The following IREB2 variants were observed in gnomAD, a reference collection of about 807,000 sequenced individuals.
IREB2 encodes iron-responsive element-binding protein 2.
In IREB2, 39 loss-of-function variants were observed where a neutral mutation model predicts 118.8. The ratio of observed to expected loss-of-function variants is 0.33; its 90% CI spans 0.25 to 0.43. The LOEUF is 0.43. Ranked by LOEUF, IREB2 falls within the 20% of genes least tolerant of loss-of-function variation. IREB2 has a pLI of 1.00. For missense variants in IREB2, 900 were observed against 1,147.3 expected, an observed-to-expected ratio of 0.78 and a Z score of 3.11; for synonymous variants, 372 against 392.2, an observed-to-expected ratio of 0.95 and a Z score of 0.61.
At chr15:78,451,651 C>T (rs987944418) in intron 2 of IREB2, among the ~76,000 whole-genome samples, 1 of 152,074 alleles carries the variant, frequency 6.6e-6, no homozygotes, top group Non-Finnish European at 1.5e-5. Flanking sequence ...TGAGCACTGA[C>T]GCTCAAAGGA....
At chr15:78,461,933 G>GT (rs1262534507) in intron 2 of IREB2, among the ~76,000 whole-genome samples, 2 of 152,134 alleles carry the variant, frequency 1.3e-5, no homozygotes, top group Non-Finnish European at 2.9e-5. Context: ...CAATAAGGAA[G>GT]TACAGTGGAA....
At position 78,470,571 on chromosome 15, in the gene IREB2, C is replaced by T; in HGVS notation, c.669C>T (p.Gly223=). 6.3e-7 allele frequency: 1 copy of T among 1,592,666 alleles called. No homozygotes were observed. Among genetic ancestry groups the T allele is most frequent in the Non-Finnish European group, 8.6e-7 (1 of 1,166,062 alleles). Residue 223 remains glycine, a synonymous_variant, in exon 6 of 22, where the codon GGC becomes GGT. Transcript: ENST00000258886. ...TAAAAAATCAAGAAGTAGAATTCGG[C>T]AGAAATCGAGAGAGGCTTCAGTTTT... ...TVLKNQEVEF[G]RNRERLQFFK...
At chr15:78,447,872 T>C (rs995989902) in intron 2 of IREB2, among the ~76,000 whole-genome samples, 2 of 152,220 alleles carry the variant, frequency 1.3e-5, no homozygotes, top group Admixed American at 1.3e-4. Context: ...ACATGACATT[T>C]GTGCTTGGCG....
chr15:78,494,030 A>T lies in IREB2; in HGVS notation c.2446A>T (p.Thr816Ser). The T allele has an allele frequency of 6.2e-7, 1 of 1,614,134 alleles. No homozygotes were observed. Among genetic ancestry groups the T allele is most frequent in the Non-Finnish European group, 8.5e-7 (1 of 1,180,006 alleles). The part of the protein sequence containing the change: ...NKFIGKPAPK[T>S]IHFPSGQTLD... ...GTTTATTGGAAAACCAGCTCCTAAA[A>T]CAATTCATTTTCCATCAGGACAGAC... Residue 816 changes from threonine (T) to serine (S), a missense_variant, in exon 19 of 22, where the codon ACA (threonine) becomes TCA (serine). Coordinates refer to ENST00000258886, the MANE Select transcript of IREB2 (RefSeq NM_004136.4).
intron 8 of IREB2, chr15:78,474,974 G>A (rs1277136905): frequency 2.0e-5 from 3 of 146,488 alleles, no homozygotes; most frequent in African/African-American, 7.6e-5. Context: ...AGAATGGCGT[G>A]AACCCGGGAG....
chr15:78,497,020 CTAAAAG>C, intron 20 of IREB2, 100 bp from the exon 21 acceptor site: 1 of 738,238 alleles, frequency 1.4e-6, no homozygotes. Flanking sequence ...AGATATTAGA[CTAAAAG>C]TATTTAGAGA....
chr15:78,455,621 T>G (rs1394920364), intron 2 of IREB2, among the ~76,000 whole-genome samples: 1 of 152,096 alleles, frequency 6.6e-6, no homozygotes, highest in Non-Finnish European at 1.5e-5. Flanking sequence ...ATTTTTCACA[T>G]CTGCTAATTT....
At position 78,499,608 on chromosome 15, in the gene IREB2, A is replaced by G. The variant is rs955179921; in HGVS notation, c.*1465A>G. On this transcript the variant is annotated 3_prime_UTR_variant, in exon 22 of 22. Coordinates refer to ENST00000258886, the MANE Select transcript of IREB2 (RefSeq NM_004136.4). ...AAATATTTTGCAAATATGTGTTTAG[A>G]CAATAAGATGGACTAGAGTTCGACA... 4.6e-5 allele frequency: 7 copies of G among 152,258 alleles called. No individual in the cohort carries two copies. The highest frequency in any genetic ancestry group is 1.4e-4 in the African/African-American group (6 of 41,466). The allele number at this position is 152,258 out of a possible 1,614,324, so 9.4% of individuals were successfully genotyped here.
chr15:78,489,877 CAG>C (rs1489006553), intron 16 of IREB2, among the ~76,000 whole-genome samples: 1 of 152,132 alleles, frequency 6.6e-6, no homozygotes, highest in African/African-American at 2.4e-5. Context: ...ATTGAAAAAG[CAG>C]AGGTTTTTCT....
At chr15:78,468,178 T>C (rs892180130) in intron 5 of IREB2, among the ~76,000 whole-genome samples, 2 of 152,178 alleles carry the variant, frequency 1.3e-5, no homozygotes, top group African/African-American at 4.8e-5. Flanking sequence ...AAGAGAGTTA[T>C]GTGAATTGTT....
At chr15:78,480,121 G>C (rs899665912) in intron 10 of IREB2, 8 of 152,102 alleles carry the variant, frequency 5.3e-5, no homozygotes, top group Non-Finnish European at 1.0e-4. Context: ...CCAGCTCCTA[G>C]AACAATTGCT....
At chr15:78,462,108 C>G (rs1191789780) in intron 2 of IREB2, among the ~76,000 whole-genome samples, 2 of 152,010 alleles carry the variant, frequency 1.3e-5, no homozygotes, top group African/African-American at 2.4e-5. Flanking sequence ...TTTTTAAACT[C>G]TCTTTCTTAC....
At chr15:78,492,572 T>G (rs1225160536) in intron 18 of IREB2, among the ~76,000 whole-genome samples, 1 of 152,096 alleles carries the variant, frequency 6.6e-6, no homozygotes, top group African/African-American at 2.4e-5. Flanking sequence ...TTTGTTTGTT[T>G]GTTTGTTTTT....
intron 2 of IREB2, among the ~76,000 whole-genome samples, chr15:78,445,140 T>A (rs377515171): frequency 0.02 from 2,966 of 145,088 alleles, 80 homozygotes; most frequent in African/African-American, 0.05. Flanking sequence ...GTCTTTATTT[T>A]TTTTTTTTTT....
At chr15:78,482,195 G>T (rs1214534829) in intron 10 of IREB2, among the ~76,000 whole-genome samples, 2 of 152,050 alleles carry the variant, frequency 1.3e-5, no homozygotes, top group East Asian at 3.9e-4. Context: ...GTGCCACTGC[G>T]CTCCAGCCTG....
chr15:78,437,680 T>C (rs2050772944), upstream of IREB2: 1 of 152,724 alleles, frequency 6.5e-6, no homozygotes, highest in South Asian at 2.0e-4. Flanking sequence ...ATGTGTTAAC[T>C]GCCACTGGGA....
Position 78,476,330 on chromosome 15 carries a change from A to G in IREB2, c.1166A>G (p.Asn389Ser), listed in dbSNP as rs923987444. 1.5e-5 allele frequency: 24 copies of G among 1,589,494 alleles called. No homozygotes were observed. The highest frequency in any genetic ancestry group is 2.0e-5 in the Non-Finnish European group (23 of 1,162,164). Residue 389 changes from asparagine (N) to serine (S), a missense_variant, in exon 9 of 22, where the codon AAT becomes AGT. Transcript: ENST00000258886. Reference protein sequence around the residue: ...GAILSFFPVDNVTLKHLEHTG... With the variant: ...GAILSFFPVDSVTLKHLEHTG... ...ATCCTCAGCTTTTTCCCTGTTGACA[A>G]TGTGACATTAAAACATTTAGAACAT...
chr15:78,497,101 G>T lies in IREB2; in HGVS notation c.2596-25G>T, dbSNP rs1423307068. 9.5e-6 allele frequency: 15 copies of T among 1,582,272 alleles called. No homozygotes were observed. In the Admixed American group the frequency reaches 2.5e-4, roughly 27 times the overall value. On this transcript the variant is annotated intron_variant, in intron 20 of 21. Transcript: ENST00000258886. ...AAATAACTTTCAGAAGTGATTAGAGGGAATAAAATGCACATTTATTACAGG... is the reference window on the plus strand; with the variant it reads ...AAATAACTTTCAGAAGTGATTAGAGTGAATAAAATGCACATTTATTACAGG...
intron 1 of IREB2, among the ~76,000 whole-genome samples, chr15:78,439,442 ATTGTCCC>A (rs1477667984): frequency 6.6e-6 from 1 of 151,928 alleles, no homozygotes; most frequent in African/African-American, 2.4e-5. Flanking sequence ...AATCATTCTT[ATTGTCCC>A]TTTCCAGGTA....
Sources: gnomAD v4.1 joint callset for allele counts (sites outside exome capture counted in the v4.1 genomes callset) on GRCh38, gnomAD v4.1.1 for gene constraint, MANE v1.5 for transcripts, NCBI Gene and HGNC (gene_info 2026-07-23, HGNC 2026-07-21) for gene names.